ABCA7: variants seen among roughly 807,000 people sequenced by gnomAD.
ABCA7 encodes ATP binding cassette subfamily A member 7, also known as phospholipid-transporting ATPase ABCA7.
ABCA7 carries 261 observed loss-of-function variants against 227.6 expected under a neutral mutation model. The observed-to-expected ratio is 1.15, with a 90% CI of 1.04 to 1.27. ABCA7 has a LOEUF of 1.27. ABCA7 is among the 50% of genes most tolerant of loss of function. The probability of loss-of-function intolerance (pLI) is 0.00; values close to 1 mark genes in which losing one functional copy is unlikely to be tolerated. For synonymous variants in ABCA7, 1,488 were observed against 1,279.7 expected (o/e 1.16, Z -3.47); for missense variants, 3,331 against 2,924.5 (o/e 1.14, Z -3.21).
At position 1,049,304 on chromosome 19, in the gene ABCA7, G is replaced by T. The variant is rs779361772; in HGVS notation, c.2419G>T (p.Val807Phe). Residue 807 changes from valine (V) to phenylalanine (F), a missense_variant, in exon 18 of 47, where the codon GTC becomes TTC. Val to Phe is a conservative substitution (Grantham distance 50). Coordinates refer to ENST00000263094, the MANE Select transcript of ABCA7 (RefSeq NM_019112.4). ...EEAPPGLSPG[V>F]SVRSLEKRFP... ...GGCACCGCCCGGCCTGAGTCCTGGCGTCTCCGTTCGCAGCCTGGAGAAGCG... is the reference window on the plus strand; with the variant it reads ...GGCACCGCCCGGCCTGAGTCCTGGCTTCTCCGTTCGCAGCCTGGAGAAGCG... The T allele has an allele frequency of 2.5e-6, 4 of 1,611,218 alleles. No homozygotes were observed. Among genetic ancestry groups the T allele is most frequent in the South Asian group, 2.2e-5 (2 of 90,996 alleles).
chr19:1,047,156 G>A lies in ABCA7; in HGVS notation c.1846-1G>A. On this transcript the variant is annotated splice_acceptor_variant, in intron 14 of 46. Coordinates refer to ENST00000263094, the MANE Select transcript of ABCA7 (RefSeq NM_019112.4). LOFTEE classifies it high-confidence loss of function. ...CCCTAAGCTCCCGTTGCCTCTCACA[G>A]CTGGGAGACATCCTCCCCTACAGCC... 1 of 1,600,364 alleles carries A rather than the reference G, an allele frequency of 6.2e-7. No homozygotes were observed. The highest frequency in any genetic ancestry group is 1.1e-5 in the South Asian group (1 of 89,468).
Position 1,055,243 on chromosome 19 carries a change from C to T in ABCA7, c.4097C>T (p.Pro1366Leu). 1 of 1,603,796 alleles carries T rather than the reference C, an allele frequency of 6.2e-7. No individual in the cohort carries two copies. Among genetic ancestry groups the T allele is most frequent in the Non-Finnish European group, 8.5e-7 (1 of 1,175,770 alleles). The change falls in exon 30 of 47, where the codon CCC becomes CTC. Residue 1366 changes from proline to leucine, a missense_variant. Coordinates refer to ENST00000263094, the MANE Select transcript of ABCA7 (RefSeq NM_019112.4). ...LPDCPAAAGG[P>L]PPPQAVTGSG... ...GACTGCCCGGCTGCAGCTGGTGGTC[C>T]CCCTCCGCCCCAGGCAGTGACCGGC...
At position 1,049,075 on chromosome 19, in the gene ABCA7, C is replaced by T. The variant is rs1398735980; in HGVS notation, c.2380+70C>T. On this transcript the variant is annotated intron_variant, in intron 17 of 46. Coordinates refer to ENST00000263094, the MANE Select transcript of ABCA7 (RefSeq NM_019112.4). ...AGTTCCCCCCCAAAACGAGATTCCA[C>T]AGATGCCAATGACAATGACCTGGAC... 9 of 975,488 alleles carry T rather than the reference C, an allele frequency of 9.2e-6. No homozygotes were observed. The Admixed American group carries it at 1.3e-4, about 14-fold the overall frequency. 60.4% of individuals were successfully genotyped at this position (975,488 alleles called of 1,614,324 possible).
chr19:1,049,077 G>A (rs1265795529), intron 17 of ABCA7, 72 bp downstream of exon 17: 10 of 969,578 alleles, frequency 1.0e-5, no homozygotes, highest in Non-Finnish European at 1.5e-5. Context: ...AGATTCCACA[G>A]ATGCCAATGA....
At chr19:1,045,837 A>G (rs1399754307) in intron 12 of ABCA7, among the ~76,000 whole-genome samples, 1 of 143,324 alleles carries the variant, frequency 7.0e-6, no homozygotes, top group Non-Finnish European at 1.6e-5. Context: ...TGCCTCTACT[A>G]AAAAAAAAAA....
intron 21 of ABCA7, 56 bp downstream of exon 21, chr19:1,051,642 C>T: frequency 6.5e-7 from 1 of 1,541,680 alleles, no homozygotes; most frequent in East Asian, 2.3e-5. Flanking sequence ...CAAGGAAGTG[C>T]TGGGGATGGG....
intron 17 of ABCA7, 56 bp downstream of exon 17, chr19:1,049,061 A>G: frequency 9.8e-7 from 1 of 1,025,582 alleles, no homozygotes; most frequent in Non-Finnish European, 1.4e-6. Flanking sequence ...GTTCCCCCCC[A>G]AAACGAGATT....
chr19:1,040,401 C>A (rs556627637), intron 1 of ABCA7, among the ~76,000 whole-genome samples: 1 of 152,182 alleles, frequency 6.6e-6, no homozygotes, highest in Non-Finnish European at 1.5e-5. Flanking sequence ...CGATCACACA[C>A]CTGCAGCCCC....
rs1341584594 is a variant in ABCA7, at chr19:1,056,808, T to G, written c.4587-99T>G. The G allele has an allele frequency of 8.9e-6, 12 of 1,341,826 alleles. No individual in the cohort carries two copies. Among genetic ancestry groups the G allele is most frequent in the Non-Finnish European group, 1.2e-5 (12 of 966,108 alleles). The allele number at this position is 1,341,826 out of a possible 1,614,324, so 83.1% of individuals were successfully genotyped here. A position where few individuals can be genotyped will look rare whatever the true frequency, so the allele number is the denominator to read the frequency against. On this transcript the variant is annotated intron_variant, in intron 33 of 46. Transcript: ENST00000263094. The surrounding 1 kb of genome is among the most constrained non-coding windows in gnomAD (Gnocchi z 4.3). The stretch of plus-strand genomic sequence containing the variant: ...CCCTGCCATCTCTGCCACTGCTGAC[T>G]GCCCCATAGACCTTTGTCCCATCAA...
At chr19:1,042,422 C>G (rs938316552) in intron 6 of ABCA7, 25 bp downstream of exon 6, 13 of 1,610,336 alleles carry the variant, frequency 8.1e-6, no homozygotes, top group Middle Eastern at 1.6e-4. Flanking sequence ...CGGGACCGCG[C>G]TGACTTCCTG....
At chr19:1,057,777 GAAA>G in intron 35 of ABCA7, 135 bp from the exon 36 acceptor site, 5 of 981,086 alleles carry the variant, frequency 5.1e-6, no homozygotes, top group Non-Finnish European at 4.3e-6. Context: ...AAGAGAGAAA[GAAA>G]AAAAAAAAAA....
chr19:1,048,829 C>A lies in ABCA7; in HGVS notation c.2270-66C>A, dbSNP rs868562625. The A allele has an allele frequency of 5.9e-3, 4,831 of 814,716 alleles. 173 individuals carry two copies. In the African/African-American group the frequency reaches 0.073, roughly 12 times the overall value. 50.5% of individuals were successfully genotyped at this position (814,716 alleles called of 1,614,324 possible). A position where few individuals can be genotyped will look rare whatever the true frequency, so the allele number is the denominator to read the frequency against. Reference sequence around the variant, plus strand: ...GTCTCAAAAAAAAAAAAAAACAAAACCCCAAAAAAAGCCTGGTACACTCCT... The same window carrying A: ...GTCTCAAAAAAAAAAAAAAACAAAAACCCAAAAAAAGCCTGGTACACTCCT... On this transcript the variant is annotated intron_variant, in intron 16 of 46. Transcript: ENST00000263094.
At chr19:1,055,043 A>T in intron 29 of ABCA7, 54 bp from the exon 30 acceptor site, 1 of 1,556,516 alleles carries the variant, frequency 6.4e-7, no homozygotes, top group South Asian at 1.2e-5. Flanking sequence ...GTGCCCACAG[A>T]CCTTCACCTT....
At chr19:1,041,793 G>A (rs1442006095) in intron 3 of ABCA7, 38 bp from the exon 4 acceptor site, 1 of 1,599,148 alleles carries the variant, frequency 6.3e-7, no homozygotes. Flanking sequence ...GAGTCAGGCA[G>A]AGTCCACAGG....
intron 21 of ABCA7, 78 bp downstream of exon 21, chr19:1,051,664 T>C: frequency 2.1e-6 from 3 of 1,420,140 alleles, no homozygotes; most frequent in Non-Finnish European, 2.9e-6. Context: ...TTTTGAGGAA[T>C]GAGTAGGAGT....
rs1189907781 is a variant in ABCA7, at chr19:1,051,334, G to A, written c.2824+40G>A. On this transcript the variant is annotated intron_variant, in intron 20 of 46. Transcript: ENST00000263094. ...AAGGGAGGTCACCTCACAGGGAGGG[G>A]CCTGGGGATTCATCCTGAAGGCAGG... is the stretch of plus-strand genomic sequence containing the variant. 2.7e-6 allele frequency: 4 copies of A among 1,491,204 alleles called. No homozygotes were observed. The Admixed American group carries it at 5.9e-5, about 22-fold the overall frequency. 92.4% of individuals were successfully genotyped at this position (1,491,204 alleles called of 1,614,324 possible).
At position 1,043,457 on chromosome 19, in the gene ABCA7, G is replaced by A. The variant is rs2040260722; in HGVS notation, c.914G>A (p.Arg305Gln). 3.1e-6 allele frequency: 5 copies of A among 1,613,294 alleles called. No homozygotes were observed. Among genetic ancestry groups the A allele is most frequent in the South Asian group, 1.1e-5 (1 of 91,088 alleles). The change falls in exon 9 of 47, where the codon CGG (arginine) becomes CAG (glutamine). Residue 305 changes from arginine to glutamine, a missense_variant. Transcript: ENST00000263094. ...LLFAPDTPFT[R>Q]KLMAQVNRTF... ...TTTGCACCAGATACACCTTTTACCC[G>A]GAAGCTCATGGCCCAGGTGGGGGCA... is the stretch of plus-strand genomic sequence containing the variant.
chr19:1,052,295 C>T lies in ABCA7; in HGVS notation c.3220+9C>T, dbSNP rs201918913. 3.0e-5 allele frequency: 37 copies of T among 1,253,750 alleles called. No homozygotes were observed. The highest frequency in any genetic ancestry group is 1.0e-4 in the African/African-American group (5 of 47,826). The allele number at this position is 1,253,750 out of a possible 1,614,324, so 77.7% of individuals were successfully genotyped here. A position where few individuals can be genotyped will look rare whatever the true frequency, so the allele number is the denominator to read the frequency against. ...CCAGGGCAGCAGAGTCGGTGAGGGCCGGGGTGGGAGACCCAAGGCGGGTGG... is the reference window on the plus strand; with the variant it reads ...CCAGGGCAGCAGAGTCGGTGAGGGCTGGGGTGGGAGACCCAAGGCGGGTGG... On this transcript the variant is annotated intron_variant, in intron 23 of 46. Transcript: ENST00000263094.
chr19:1,041,584 G>T lies in ABCA7; in HGVS notation c.141G>T (p.Pro47=). The T allele has an allele frequency of 6.2e-7, 1 of 1,612,252 alleles. No homozygotes were observed. Reference sequence around the variant, plus strand: ...TGGTGGCTGTTCGCCACTCCCACCCGCCCCTGGAGCACCATGAATGTGAGC... The same window carrying T: ...TGGTGGCTGTTCGCCACTCCCACCCTCCCCTGGAGCACCATGAATGTGAGC... The part of the protein sequence containing the change: ...FILVAVRHSH[P]PLEHHECHFP... Residue 47 remains proline (P), a synonymous_variant, in exon 3 of 47, where the codon CCG becomes CCT. Transcript: ENST00000263094.
Sources: allele counts gnomAD v4.1 joint callset (sites outside exome capture counted in the v4.1 genomes callset), GRCh38; gene constraint gnomAD v4.1.1; non-coding constraint Gnocchi (gnomAD v3.1); transcripts MANE v1.5; gene names NCBI Gene and HGNC (gene_info 2026-07-23, HGNC 2026-07-21).